The following COL25A1 variants were observed in gnomAD, a reference collection of about 807,000 sequenced individuals.
COL25A1 encodes collagen type XXV alpha 1 chain, also known as collagen alpha-1(XXV) chain.
In COL25A1, 103 loss-of-function variants were observed where a neutral mutation model predicts 128.4. The ratio of observed to expected loss-of-function variants is 0.80; its 90% CI spans 0.68 to 0.94. COL25A1 has a LOEUF of 0.94. Ranked by LOEUF, COL25A1 falls within the 40% of genes least tolerant of loss-of-function variation. The pLI is 0.00. For missense variants in COL25A1, 745 were observed against 840.0 expected (o/e 0.89, Z 1.40); for synonymous variants, 279 against 277.2 (o/e 1.01, Z -0.06).
At chr4:108,937,433 TTTG>T (rs576108091) in intron 11 of COL25A1, among the ~76,000 whole-genome samples, 7 of 152,072 alleles carry the variant, frequency 4.6e-5, no homozygotes, top group Non-Finnish European at 8.8e-5. Context: ...CTGTGCAAAG[TTTG>T]CTGTGCTAAT....
intron 3 of COL25A1, among the ~76,000 whole-genome samples, chr4:109,151,721 A>G (rs1007323680): frequency 7.2e-5 from 11 of 152,174 alleles, no homozygotes; most frequent in African/African-American, 2.7e-4. Flanking sequence ...AGCTGGCTAT[A>G]AAAACAGTCT....
chr4:108,817,356 G>T, intron 37 of COL25A1, 41 bp downstream of exon 37: 1 of 1,599,316 alleles, frequency 6.3e-7, no homozygotes, highest in Non-Finnish European at 8.6e-7. Flanking sequence ...TTAAGAGAAA[G>T]GGAGAGTGCT....
chr4:109,028,409 C>T (rs1264726203), intron 5 of COL25A1, among the ~76,000 whole-genome samples: 1 of 152,104 alleles, frequency 6.6e-6, no homozygotes, highest in Non-Finnish European at 1.5e-5. Context: ...ATGCCCTGCC[C>T]ATTCCAACAT....
intron 3 of COL25A1, among the ~76,000 whole-genome samples, chr4:109,052,286 T>C (rs749380254): frequency 1.5e-4 from 23 of 152,204 alleles, no homozygotes; most frequent in Non-Finnish European, 2.9e-4. Flanking sequence ...TGAACATATC[T>C]GGATTAAATA....
Position 108,980,381 on chromosome 4 carries a change from T to A in COL25A1, c.439-5822A>T, listed in dbSNP as rs373889368. 3.2e-4 allele frequency among the ~76,000 whole-genome samples: 48 copies of A among 152,330 alleles called. No homozygotes were observed. In the South Asian group the frequency reaches 9.9e-3, roughly 32 times the overall value. ...TGGGGGCCACTGACAGGTGTCAACA[T>A]GTTTTAACAAGTCCTACTTATTTCA... On this transcript the variant is annotated intron_variant, in intron 6 of 37. Transcript: ENST00000399132.
intron 15 of COL25A1, 111 bp from the exon 16 acceptor site, chr4:108,896,822 G>T: frequency 1.1e-6 from 1 of 927,904 alleles, no homozygotes. Context: ...AAAATCTGTT[G>T]CAAATGCTCT....
intron 3 of COL25A1, among the ~76,000 whole-genome samples, chr4:109,073,107 C>G (rs1763108627): frequency 6.6e-6 from 1 of 152,028 alleles, no homozygotes; most frequent in African/African-American, 2.4e-5. Context: ...TTCAGAACCT[C>G]TGATACTGAT....
intron 3 of COL25A1, among the ~76,000 whole-genome samples, chr4:109,133,506 G>T: frequency 6.6e-6 from 1 of 152,074 alleles, no homozygotes; most frequent in East Asian, 1.9e-4. Flanking sequence ...CAGAGATTCA[G>T]TTGTTCACCA....
chr4:109,222,064 T>TTC (rs1361063730), intron 3 of COL25A1, among the ~76,000 whole-genome samples: 3 of 134,824 alleles, frequency 2.2e-5, no homozygotes, highest in African/African-American at 8.7e-5. Flanking sequence ...AACTTCTTTT[T>TTC]TTTTTTTTTT....
chr4:109,183,399 C>G (rs1774849027), intron 3 of COL25A1, among the ~76,000 whole-genome samples: 1 of 152,128 alleles, frequency 6.6e-6, no homozygotes, highest in South Asian at 2.1e-4. Context: ...TATCACACCT[C>G]AACCCTCAGG....
Position 108,813,892 on chromosome 4 carries a change from A to C in COL25A1, c.*35T>G. The stretch of plus-strand genomic sequence containing the variant: ...CTATAAATATTAAAAATGGACCCTT[A>C]TATACACAACTTCATGCTTGAAAGG... On this transcript the variant is annotated 3_prime_UTR_variant, in exon 38 of 38. Coordinates refer to ENST00000399132, the MANE Select transcript of COL25A1 (RefSeq NM_198721.4). 6.4e-7 allele frequency: 1 copy of C among 1,552,432 alleles called. No individual in the cohort carries two copies. The highest frequency in any genetic ancestry group is 1.1e-5 in the South Asian group (1 of 87,756).
intron 3 of COL25A1, among the ~76,000 whole-genome samples, chr4:109,210,021 A>G (rs1202701159): frequency 2.0e-5 from 3 of 151,960 alleles, no homozygotes; most frequent in African/African-American, 7.2e-5. Context: ...ACTGCACTCC[A>G]GCCTGGGTGA....
chr4:109,020,509 G>GC (rs1757626967), intron 5 of COL25A1, among the ~76,000 whole-genome samples: 2 of 12,900 alleles, frequency 1.6e-4, no homozygotes, highest in African/African-American at 5.1e-4. Flanking sequence ...ATTATTATGG[G>GC]GGGGGGGGGG....
At chr4:109,184,271 A>G (rs1469573152) in intron 3 of COL25A1, among the ~76,000 whole-genome samples, 1 of 152,194 alleles carries the variant, frequency 6.6e-6, no homozygotes, top group East Asian at 1.9e-4. Flanking sequence ...TCTCACTCCC[A>G]TAAATCTAAA....
At chr4:109,192,415 C>T (rs1245261036) in intron 3 of COL25A1, among the ~76,000 whole-genome samples, 1 of 152,132 alleles carries the variant, frequency 6.6e-6, no homozygotes, top group Non-Finnish European at 1.5e-5. Context: ...CTGAGTTGTG[C>T]CCCTCCCCAA....
At chr4:108,949,290 G>GT (rs1322355897) in intron 8 of COL25A1, among the ~76,000 whole-genome samples, 2 of 152,108 alleles carry the variant, frequency 1.3e-5, no homozygotes, top group Non-Finnish European at 2.9e-5. Flanking sequence ...AATGACAATG[G>GT]TGATGATGGC....
intron 6 of COL25A1, among the ~76,000 whole-genome samples, chr4:108,990,272 A>ATATC (rs1237402687): frequency 8.1e-6 from 1 of 123,646 alleles, no homozygotes; most frequent in African/African-American, 3.1e-5. Flanking sequence ...ATATATATAT[A>ATATC]TCTCAAAAGA....
chr4:109,114,973 A>G (rs952378918), intron 3 of COL25A1, among the ~76,000 whole-genome samples: 1 of 152,080 alleles, frequency 6.6e-6, no homozygotes, highest in Non-Finnish European at 1.5e-5. Context: ...AAATTAGATG[A>G]CTACACCACT....
intron 3 of COL25A1, among the ~76,000 whole-genome samples, chr4:109,289,112 T>C (rs1487718995): frequency 6.6e-6 from 1 of 152,072 alleles, no homozygotes; most frequent in East Asian, 1.9e-4. Flanking sequence ...TTGTCTACAG[T>C]ACATCTTTCC....
Sources: allele counts gnomAD v4.1 joint callset (sites outside exome capture counted in the v4.1 genomes callset), GRCh38; gene constraint gnomAD v4.1.1; transcripts MANE v1.5; gene names NCBI Gene and HGNC (gene_info 2026-07-23, HGNC 2026-07-21).